UNC13B: variants seen among roughly 807,000 people sequenced by gnomAD.
UNC13B encodes protein unc-13 homolog B.
Under a neutral mutation model 211.0 loss-of-function variants are expected in UNC13B, and 144 were observed. That is an observed-to-expected ratio of 0.68 (90% CI 0.60 to 0.78). UNC13B has a LOEUF of 0.78. Among genes scored for constraint, UNC13B ranks in the 30% least tolerant of loss-of-function variants. The pLI, the probability that UNC13B is intolerant of heterozygous loss-of-function variation, is 0.00. For missense variants in UNC13B, 1,777 were observed against 2,002.0 expected (o/e 0.89, Z 2.14); for synonymous variants, 709 against 725.8 (o/e 0.98, Z 0.37).
chr9:35,236,333 G>A, intron 3 of UNC13B, 136 bp from the exon 4 acceptor site: 2 of 679,348 alleles, frequency 2.9e-6, no homozygotes, highest in Non-Finnish European at 4.9e-6. Flanking sequence ...AATGGTCGTG[G>A]CATTCTGGGA....
intron 11 of UNC13B, among the ~76,000 whole-genome samples, chr9:35,318,382 T>G (rs1830570649): frequency 6.6e-6 from 1 of 152,158 alleles, no homozygotes; most frequent in Non-Finnish European, 1.5e-5. Context: ...CAAGGATTTT[T>G]TTGCCCCGCT....
In UNC13B at chr9:35,256,986, T is replaced by C. The variant is rs1268995105; in HGVS notation, c.469-2007T>C. 5.9e-5 allele frequency among the ~76,000 whole-genome samples: 9 copies of C among 152,182 alleles called. No individual in the cohort carries two copies. In the East Asian group the frequency reaches 1.5e-3, roughly 26 times the overall value. On this transcript the variant is annotated intron_variant, in intron 6 of 39. Coordinates refer to ENST00000635942, the MANE Select transcript of UNC13B (RefSeq NM_001371189.2). ...GGGCCTGGGAGAGATTCATTAAATA[T>C]AGCTTCTGAAAATATCTACTCTGAT... is the stretch of plus-strand genomic sequence containing the variant.
chr9:35,232,066 T>G (rs971174548), intron 3 of UNC13B, among the ~76,000 whole-genome samples: 1 of 151,774 alleles, frequency 6.6e-6, no homozygotes, highest in Non-Finnish European at 1.5e-5. Context: ...AATTTGAAAC[T>G]GAACTGAAAT....
intron 18 of UNC13B, 57 bp from the exon 19 acceptor site, chr9:35,381,043 A>G: frequency 1.3e-6 from 2 of 1,534,114 alleles, no homozygotes; most frequent in Non-Finnish European, 1.8e-6. Flanking sequence ...CCAGAATGGA[A>G]CTATCTATGC....
At chr9:35,167,754 A>ATTT (rs765603183) in intron 1 of UNC13B, among the ~76,000 whole-genome samples, 7 of 115,678 alleles carry the variant, frequency 6.1e-5, no homozygotes, top group African/African-American at 1.3e-4. Flanking sequence ...TGCCTGGCTA[A>ATTT]TTTTTTTTTT....
Position 35,305,312 on chromosome 9 carries a change from CAAGAA to C in UNC13B, c.5915_5919del (p.Lys1972ArgfsTer17), listed in dbSNP as rs1829870484. 2 of 398,820 alleles carry C rather than the reference CAAGAA, an allele frequency of 5.0e-6. No homozygotes were observed. Among genetic ancestry groups the C allele is most frequent in the Admixed American group, 8.8e-5 (2 of 22,706 alleles). 24.7% of individuals were successfully genotyped at this position (398,820 alleles called of 1,614,324 possible). On this transcript the variant is annotated frameshift_variant, in exon 9 of 40. Coordinates refer to ENST00000635942, the MANE Select transcript of UNC13B (RefSeq NM_001371189.2). LOFTEE classifies it high-confidence loss of function. ...TGATACAAATGTCAAGATACCACCTCAAGAAAAGAAAGAATCTTCTGGTGTTTCAA... is the reference window on the plus strand; with the variant it reads ...TGATACAAATGTCAAGATACCACCTCAAGAAAGAATCTTCTGGTGTTTCAA...
chr9:35,254,940 TA>T (rs1207137057), intron 6 of UNC13B, among the ~76,000 whole-genome samples: 27 of 122,668 alleles, frequency 2.2e-4, no homozygotes, highest in African/African-American at 7.2e-4. Context: ...TAATATATAT[TA>T]ATATATGTAT....
rs146675814 is a variant in UNC13B at position 35,295,830 on chromosome 9, C to T, written c.661C>T (p.Arg221Ter). ...TGTGCACCAGTTCCCTGTGCCGGTG[C>T]GATCGCCACAGCAGCTGCTACTTCA... ...ASVHQFPVPV[R>*]SPQQLLLQGS... The change falls in exon 8 of 40, where the codon CGA becomes TGA. Residue 221 changes from arginine (R) to a stop codon, truncating the protein, a stop_gained. Transcript: ENST00000635942. LOFTEE classifies it high-confidence loss of function. 21 of 1,614,018 alleles carry T rather than the reference C, an allele frequency of 1.3e-5. No individual in the cohort carries two copies. The highest frequency in any genetic ancestry group is 1.2e-4 in the Admixed American group (7 of 59,984).
chr9:35,351,410 T>A, intron 11 of UNC13B: 1 of 1,230,256 alleles, frequency 8.1e-7, no homozygotes, highest in South Asian at 4.3e-5. Context: ...CAATAATTGC[T>A]AGAAACAAAC....
In UNC13B at chr9:35,377,568, A is replaced by G. The variant is rs1230695136; in HGVS notation, c.9936A>G (p.Pro3312=). The G allele has an allele frequency of 6.2e-7, 1 of 1,614,262 alleles. No individual in the cohort carries two copies. The highest frequency in any genetic ancestry group is 8.5e-7 in the Non-Finnish European group (1 of 1,180,036). ...DRMKIRERNK[P]EIFEVIRDVF... is the part of the protein sequence containing the mutation. ...TGAAGATCCGAGAGCGAAATAAGCC[A>G]GAGATCTTTGAAGTTATCCGGGACG... is the stretch of plus-strand genomic sequence containing the variant. Residue 3312 remains proline (P), a synonymous_variant, in exon 16 of 40, where the codon CCA becomes CCG. Coordinates refer to ENST00000635942, the MANE Select transcript of UNC13B (RefSeq NM_001371189.2).
intron 39 of UNC13B, 39 bp from the exon 40 acceptor site, chr9:35,403,709 C>T: frequency 2.5e-6 from 4 of 1,609,850 alleles, no homozygotes; most frequent in Non-Finnish European, 2.5e-6. Context: ...CAGCTGAAGA[C>T]TCAACTCTGG....
chr9:35,337,578 C>T (rs186189980), intron 11 of UNC13B, among the ~76,000 whole-genome samples: 19 of 152,346 alleles, frequency 1.2e-4, no homozygotes, highest in Admixed American at 8.5e-4. Flanking sequence ...GTGAAGGATA[C>T]GCCTTCATTA....
intron 18 of UNC13B, 110 bp from the exon 19 acceptor site, chr9:35,380,990 C>T: frequency 1.9e-6 from 2 of 1,059,234 alleles, no homozygotes; most frequent in Non-Finnish European, 2.7e-6. Flanking sequence ...TGGGTTGGCC[C>T]CTTCTTTTCC....
chr9:35,212,866 T>C (rs550391756), intron 1 of UNC13B, among the ~76,000 whole-genome samples: 1 of 152,314 alleles, frequency 6.6e-6, no homozygotes, highest in East Asian at 1.9e-4. Context: ...CCTAGTGGAA[T>C]AGCCTCCCAC....
rs1160474466 is a variant in UNC13B at position 35,257,580 on chromosome 9, C to CAAAAAA, written c.469-1388_469-1383dup. Among the ~76,000 whole-genome samples, 44 of 36,384 alleles carry CAAAAAA rather than the reference C, an allele frequency of 1.2e-3. 2 individuals carry two copies. The highest frequency in any genetic ancestry group is 4.4e-3 in the African/African-American group (28 of 6,352). The allele number at this position is 36,384 out of a possible 152,430, so 23.9% of individuals were successfully genotyped here. A position where few individuals can be genotyped will look rare whatever the true frequency, so the allele number is the denominator to read the frequency against. On this transcript the variant is annotated intron_variant, in intron 6 of 39. Transcript: ENST00000635942. ...TGGGAGAAAGAGTGAGAATCTGTAT[C>CAAAAAA]AAAAAAAAAAAAAAAAAAAAAAAAA...
chr9:35,378,486 G>A, intron 17 of UNC13B, 50 bp downstream of exon 17: 3 of 1,609,630 alleles, frequency 1.9e-6, no homozygotes, highest in Non-Finnish European at 2.5e-6. Flanking sequence ...TATTGGGGGA[G>A]CAGGATCACA....
At chr9:35,309,828 T>C (rs1398003860) in intron 9 of UNC13B, among the ~76,000 whole-genome samples, 1 of 152,204 alleles carries the variant, frequency 6.6e-6, no homozygotes, top group Non-Finnish European at 1.5e-5. Context: ...AGGGATATCA[T>C]TGTAGCATTT....
chr9:35,254,383 G>A (rs1490148878), intron 6 of UNC13B, among the ~76,000 whole-genome samples: 1 of 152,150 alleles, frequency 6.6e-6, no homozygotes, highest in Non-Finnish European at 1.5e-5. Flanking sequence ...ACCCTGCTGT[G>A]TTCTCATGTG....
chr9:35,382,451 A>G lies in UNC13B; in HGVS notation c.10750A>G (p.Thr3584Ala), dbSNP rs945453063. 1 of 1,614,176 alleles carries G rather than the reference A, an allele frequency of 6.2e-7. No homozygotes were observed. Among genetic ancestry groups the G allele is most frequent in the African/African-American group, 1.3e-5 (1 of 75,040 alleles). ...LANINAYYAHTTASTNVSASD... is the reference protein window; with the variant it reads ...LANINAYYAHATASTNVSASD... ...CAACATCAACGCCTACTATGCCCAC[A>G]CAACTGCCTCTACCAATGTCTCTGC... Residue 3584 changes from threonine (T) to alanine (A), a missense_variant, in exon 21 of 40, where the codon ACA becomes GCA. Coordinates refer to ENST00000635942, the MANE Select transcript of UNC13B (RefSeq NM_001371189.2).
Sources: gnomAD v4.1 joint callset for allele counts (sites outside exome capture counted in the v4.1 genomes callset) on GRCh38, gnomAD v4.1.1 for gene constraint, MANE v1.5 for transcripts, NCBI Gene and HGNC (gene_info 2026-07-23, HGNC 2026-07-21) for gene names.